Variants in EIF4ENIF1 observed in about 807,000 individuals in gnomAD.
The protein encoded by EIF4ENIF1 is eukaryotic translation initiation factor 4E nuclear import factor 1, also known as eukaryotic translation initiation factor 4E transporter.
A neutral mutation model predicts 110.5 loss-of-function variants in EIF4ENIF1; 23 were observed. The ratio of observed to expected loss-of-function variants is 0.21; its 90% confidence interval spans 0.15 to 0.29. The LOEUF (loss-of-function observed/expected upper bound fraction) is 0.29. EIF4ENIF1 is among the 10% of genes least tolerant of loss of function. The pLI is 1.00. For synonymous variants in EIF4ENIF1, 440 were observed against 437.0 expected (o/e 1.01, Z -0.09); for missense variants, 1,031 against 1,221.1 (o/e 0.84, Z 2.32).
upstream of EIF4ENIF1, chr22:31,490,023 G>C (rs1601674068): frequency 6.6e-6 from 1 of 152,408 alleles, no homozygotes; most frequent in Admixed American, 6.5e-5. Context: ...CGCGGGCCGG[G>C]GGGTGGGAAG....
At chr22:31,441,355 C>T (rs1367955639) in intron 17 of EIF4ENIF1, among the ~76,000 whole-genome samples, 1 of 151,784 alleles carries the variant, frequency 6.6e-6, no homozygotes, top group Non-Finnish European at 1.5e-5. Context: ...CTGGGCAACA[C>T]GGTGAAATCC....
chr22:31,470,112 C>T (rs1601621333), intron 3 of EIF4ENIF1, among the ~76,000 whole-genome samples: 1 of 133,010 alleles, frequency 7.5e-6, no homozygotes. Context: ...TGTGGTGAGC[C>T]AAGATTGCGC....
At chr22:31,473,705 C>T (rs2051470354) in intron 2 of EIF4ENIF1, among the ~76,000 whole-genome samples, 1 of 152,210 alleles carries the variant, frequency 6.6e-6, no homozygotes, top group Non-Finnish European at 1.5e-5. Context: ...ACCGTCACTT[C>T]TGGAGGCCAT....
chr22:31,462,648 G>A (rs1034303273), intron 6 of EIF4ENIF1, among the ~76,000 whole-genome samples: 1 of 152,098 alleles, frequency 6.6e-6, no homozygotes, highest in Non-Finnish European at 1.5e-5. Context: ...GTGCAGTGGT[G>A]TGATAGCTCA....
In EIF4ENIF1 at chr22:31,488,662, C is replaced by T. The variant is rs775297533; in HGVS notation, c.57G>A (p.Lys19=). The change falls in exon 2 of 19, where the codon AAG becomes AAA. Residue 19 remains lysine (K), a synonymous_variant. Coordinates refer to ENST00000330125, the MANE Select transcript of EIF4ENIF1 (RefSeq NM_019843.4). ...GGGGGCATTTGGAGGCAGGAGGCTT[C>T]TTCAGGTCAAGGAAAGCATCTCCAC... The part of the protein sequence containing the change: ...TESGDAFLDL[K]KPPASKCPHR... The T allele has an allele frequency of 2.5e-6, 4 of 1,613,984 alleles. No individual in the cohort carries two copies. Among genetic ancestry groups the T allele is most frequent in the Admixed American group, 3.3e-5 (2 of 59,988 alleles).
chr22:31,453,989 A>C (rs2050747499), intron 10 of EIF4ENIF1, among the ~76,000 whole-genome samples, 155 bp downstream of exon 10: 1 of 152,220 alleles, frequency 6.6e-6, no homozygotes, highest in Non-Finnish European at 1.5e-5. Context: ...ATAGCATATC[A>C]ATAATTAAGG....
chr22:31,447,106 A>T, intron 14 of EIF4ENIF1: 1 of 405,392 alleles, frequency 2.5e-6, no homozygotes. Flanking sequence ...ATATTTACTC[A>T]TAACAATCTT....
intron 2 of EIF4ENIF1, among the ~76,000 whole-genome samples, chr22:31,484,420 C>A (rs765151693): frequency 2.6e-5 from 4 of 152,082 alleles, no homozygotes; most frequent in Non-Finnish European, 4.4e-5. Flanking sequence ...CAGAAAGCAA[C>A]TGAACACTAA....
chr22:31,488,905 A>G (rs1018768226), intron 1 of EIF4ENIF1, 160 bp from the exon 2 acceptor site: 1 of 759,768 alleles, frequency 1.3e-6, no homozygotes, highest in Non-Finnish European at 2.1e-6. Flanking sequence ...ACTTGGAGAT[A>G]GAATCATTGG....
chr22:31,463,616 A>G (rs2051069937), intron 5 of EIF4ENIF1, 65 bp downstream of exon 5: 1 of 1,451,982 alleles, frequency 6.9e-7, no homozygotes, highest in Admixed American at 2.6e-5. Context: ...ATTGCACTCC[A>G]GCCTGGGCAA....
chr22:31,472,772 G>A (rs1249127305), intron 2 of EIF4ENIF1, among the ~76,000 whole-genome samples: 6 of 152,072 alleles, frequency 3.9e-5, no homozygotes, highest in African/African-American at 9.7e-5. Context: ...ATCAAGTCAG[G>A]ATATCTCGGG....
At position 31,444,654 on chromosome 22, in the gene EIF4ENIF1, A is replaced by G. The variant is rs756556625; in HGVS notation, c.2025T>C (p.His675=). 2.5e-6 allele frequency: 4 copies of G among 1,614,032 alleles called. No individual in the cohort carries two copies. The highest frequency in any genetic ancestry group is 3.4e-6 in the Non-Finnish European group (4 of 1,180,004). Residue 675 remains histidine, a synonymous_variant, in exon 15 of 19, where the codon CAT becomes CAC. Coordinates refer to ENST00000330125, the MANE Select transcript of EIF4ENIF1 (RefSeq NM_019843.4). ...GGGCAGGGGAAGAGGAATTCCCTCG[A>G]TGCACGGGTGCTGGTGACTTGGTCA... ...QRVTKSPAPV[H]RGNSSSPAPA... is the part of the protein sequence containing the mutation.
intron 2 of EIF4ENIF1, among the ~76,000 whole-genome samples, chr22:31,486,763 T>C (rs1225647862): frequency 6.6e-6 from 1 of 151,460 alleles, no homozygotes; most frequent in East Asian, 1.9e-4. Flanking sequence ...AGAGCGAGAC[T>C]CCGTCTCAAA....
At chr22:31,492,422 C>CT (rs1324252835), upstream of EIF4ENIF1, among the ~76,000 whole-genome samples, 1 of 152,192 alleles carries the variant, frequency 6.6e-6, no homozygotes, top group African/African-American at 2.4e-5. Flanking sequence ...GGCATTGTAG[C>CT]TATCATGATT....
chr22:31,468,167 G>T lies in EIF4ENIF1; in HGVS notation c.298+8C>A. The T allele has an allele frequency of 6.2e-7, 1 of 1,613,250 alleles. No homozygotes were observed. The highest frequency in any genetic ancestry group is 1.1e-5 in the South Asian group (1 of 90,870). On this transcript the variant is annotated splice_region_variant and intron_variant, in intron 4 of 18. Coordinates refer to ENST00000330125, the MANE Select transcript of EIF4ENIF1 (RefSeq NM_019843.4). ...ACTAACCCCACTTCTGAGTGACTGT[G>T]TGCTCACCTACTATCCTGCGCACCA... is the stretch of plus-strand genomic sequence containing the variant.
intron 11 of EIF4ENIF1, 46 bp downstream of exon 11, chr22:31,450,243 A>T (rs1569072021): frequency 6.6e-7 from 1 of 1,523,710 alleles, no homozygotes; most frequent in East Asian, 2.3e-5. Context: ...GGTTCAGAAG[A>T]CTACTGTTCA....
intron 6 of EIF4ENIF1, among the ~76,000 whole-genome samples, chr22:31,461,119 C>T (rs2050980481): frequency 6.6e-6 from 1 of 152,134 alleles, no homozygotes; most frequent in African/African-American, 2.4e-5. Context: ...AAAGGTAACC[C>T]TTAAGTTATG....
downstream of EIF4ENIF1, among the ~76,000 whole-genome samples, chr22:31,438,624 A>G (rs1416243239): frequency 6.6e-6 from 1 of 152,172 alleles, no homozygotes; most frequent in Non-Finnish European, 1.5e-5. Context: ...AGGCTATGCT[A>G]TCTATAGGGT....
At chr22:31,436,993 C>T (rs1400209284), downstream of EIF4ENIF1, 1 of 152,216 alleles carries the variant, frequency 6.6e-6, no homozygotes, top group Non-Finnish European at 1.5e-5. Context: ...TGTTTATGCT[C>T]ATAGTTCACA....
Sources: gnomAD v4.1 joint callset for allele counts (sites outside exome capture counted in the v4.1 genomes callset) on GRCh38, gnomAD v4.1.1 for gene constraint, MANE v1.5 for transcripts, NCBI Gene and HGNC (gene_info 2026-07-23, HGNC 2026-07-21) for gene names.